Variants in RUNX1 observed in about 807,000 individuals in gnomAD.
RUNX1 encodes RUNX family transcription factor 1, also known as runt-related transcription factor 1.
In RUNX1, 19 loss-of-function variants were observed where a neutral mutation model predicts 42.8. That is an observed-to-expected ratio of 0.44 (90% CI 0.31 to 0.65). The LOEUF is 0.65. Ranked by LOEUF, RUNX1 falls within the 30% of genes least tolerant of loss-of-function variation. The pLI, the probability that RUNX1 is intolerant of heterozygous loss-of-function variation, is 0.07. For missense variants in RUNX1, 528 were observed against 672.0 expected, an observed-to-expected ratio of 0.79 and a Z score of 2.37; for synonymous variants, 271 against 289.4, an observed-to-expected ratio of 0.94 and a Z score of 0.64.
chr21:35,025,316 G>C (rs1176952604), intron 2 of RUNX1, among the ~76,000 whole-genome samples: 1 of 152,116 alleles, frequency 6.6e-6, no homozygotes, highest in Non-Finnish European at 1.5e-5. Context: ...CATCAATCTG[G>C]CCTGGCCCCG....
intron 2 of RUNX1, among the ~76,000 whole-genome samples, chr21:34,978,937 T>TAC (rs10673190): frequency 0.25 from 34,011 of 133,886 alleles, 4,282 homozygotes; most frequent in East Asian, 0.3. Flanking sequence ...CACACACAGA[T>TAC]ACACACACAC....
chr21:34,890,698 T>C lies in RUNX1; in HGVS notation c.97+2227A>G, dbSNP rs866326147. On this transcript the variant is annotated intron_variant, in intron 3 of 8. Coordinates refer to ENST00000675419, the MANE Select transcript of RUNX1 (RefSeq NM_001754.5). Reference sequence around the variant, plus strand: ...ACTACATTTTTCTTTTAAAATGATTTTTTTAAGCCTAATTCCAGTTGTAAA... The same window carrying C: ...ACTACATTTTTCTTTTAAAATGATTCTTTTAAGCCTAATTCCAGTTGTAAA... Among the ~76,000 whole-genome samples the C allele has an allele frequency of 1.3e-5, 2 of 152,310 alleles. 1 individual carries two copies. The highest frequency in any genetic ancestry group is 6.8e-3 in the Middle Eastern group (2 of 294).
intron 7 of RUNX1, among the ~76,000 whole-genome samples, chr21:34,814,381 T>C (rs1181677816): frequency 6.6e-6 from 1 of 152,194 alleles, no homozygotes; most frequent in Middle Eastern, 3.2e-3. Context: ...CACTGTCACC[T>C]GTGTGCGCCT....
intron 2 of RUNX1, among the ~76,000 whole-genome samples, chr21:34,933,630 T>A (rs2058464348): frequency 6.6e-6 from 1 of 152,244 alleles, no homozygotes; most frequent in Admixed American, 6.5e-5. Flanking sequence ...AAGACCTATG[T>A]TCCTTTTGAA....
At chr21:34,940,992 C>T (rs1242155351) in intron 2 of RUNX1, among the ~76,000 whole-genome samples, 3 of 152,174 alleles carry the variant, frequency 2.0e-5, no homozygotes, top group African/African-American at 7.2e-5. Flanking sequence ...CTTGTCACTG[C>T]CATAGAAGAA....
At chr21:35,023,242 C>A (rs966802176) in intron 2 of RUNX1, among the ~76,000 whole-genome samples, 3 of 152,106 alleles carry the variant, frequency 2.0e-5, no homozygotes, top group Non-Finnish European at 4.4e-5. Flanking sequence ...CCACACCTGG[C>A]CTTTGTTTAA....
chr21:34,974,155 C>T (rs2058782933), intron 2 of RUNX1, among the ~76,000 whole-genome samples: 1 of 152,068 alleles, frequency 6.6e-6, no homozygotes, highest in African/African-American at 2.4e-5. Flanking sequence ...ACTGATTGTA[C>T]TTCTTCTTGA....
chr21:34,792,314 CG>C lies in RUNX1; in HGVS notation c.1263del (p.Glu422SerfsTer172). The C allele has an allele frequency of 6.5e-7, 1 of 1,542,462 alleles. No individual in the cohort carries two copies. ...AGSYQFSMVG[G>X]ERSPPRILPP... ...GGCAGGATGCGCGGCGGCGAGCGCT[CG>C]CCGCCCACCATGGAGAACTGGTAGG... On this transcript the variant is annotated frameshift_variant, in exon 9 of 9. Coordinates refer to ENST00000675419, the MANE Select transcript of RUNX1 (RefSeq NM_001754.5). LOFTEE classifies it high-confidence loss of function. The surrounding 1 kb of genome is among the most constrained non-coding windows in gnomAD (Gnocchi z 6.9).
At chr21:34,815,417 GA>G (rs2056812119) in intron 7 of RUNX1, among the ~76,000 whole-genome samples, 1 of 152,244 alleles carries the variant, frequency 6.6e-6, no homozygotes, top group South Asian at 2.1e-4. Context: ...AGCACCAAGT[GA>G]AGCCAGCAGG....
chr21:34,951,524 A>C (rs558515234), intron 2 of RUNX1, among the ~76,000 whole-genome samples: 1 of 152,344 alleles, frequency 6.6e-6, no homozygotes, highest in East Asian at 1.9e-4. Context: ...AACTTAAACA[A>C]ATTTACAAGA....
chr21:34,891,499 C>T (rs529060994), intron 3 of RUNX1, among the ~76,000 whole-genome samples: 18 of 152,158 alleles, frequency 1.2e-4, no homozygotes, highest in African/African-American at 4.3e-4. Context: ...CCTTAGTCGG[C>T]CGGGCATTTT....
chr21:34,955,195 C>CT (rs960369595), intron 2 of RUNX1, among the ~76,000 whole-genome samples: 1 of 151,986 alleles, frequency 6.6e-6, no homozygotes, highest in Non-Finnish European at 1.5e-5. Flanking sequence ...CATCTGGAAG[C>CT]TACCGAATCC....
chr21:34,914,097 G>C (rs1267129677), intron 2 of RUNX1, among the ~76,000 whole-genome samples: 1 of 152,196 alleles, frequency 6.6e-6, no homozygotes, highest in East Asian at 1.9e-4. Context: ...GTGTGAAGCA[G>C]GAGCCATTCC....
chr21:34,889,720 C>T, intron 3 of RUNX1: 1 of 1,188,076 alleles, frequency 8.4e-7, no homozygotes, highest in Non-Finnish European at 1.1e-6. Flanking sequence ...GCGCCGGTCC[C>T]CGCGGTGCTG....
chr21:34,993,496 C>CACACACACACA lies in RUNX1; in HGVS notation c.58+55345_58+55346insTGTGTGTGTGT, dbSNP rs1160336189. Among the ~76,000 whole-genome samples, 106 of 120,380 alleles carry CACACACACACA rather than the reference C, an allele frequency of 8.8e-4. 2 individuals are homozygous for CACACACACACA. The highest frequency in any genetic ancestry group is 4.0e-3 in the African/African-American group (105 of 26,164). 79.0% of individuals were successfully genotyped at this position (120,380 alleles called of 152,430 possible). Reference sequence around the variant, plus strand: ...AGAGGACAATGTCTGTTTGTTTGTCCCTACACACACACACACACACACACA... The same window carrying CACACACACACA: ...AGAGGACAATGTCTGTTTGTTTGTCCACACACACACACTACACACACACACACACACACACA... On this transcript the variant is annotated intron_variant, in intron 2 of 8. Coordinates refer to ENST00000675419, the MANE Select transcript of RUNX1 (RefSeq NM_001754.5).
intron 2 of RUNX1, among the ~76,000 whole-genome samples, chr21:35,000,292 A>G (rs931461346): frequency 2.1e-5 from 3 of 143,968 alleles, no homozygotes; most frequent in Non-Finnish European, 3.0e-5. Flanking sequence ...CCAGGCTGGA[A>G]TGCAGTGGCG....
At chr21:34,981,363 C>T (rs1981392) in intron 2 of RUNX1, among the ~76,000 whole-genome samples, 88,663 of 151,920 alleles carry the variant, frequency 0.58, 26,008 homozygotes, top group East Asian at 0.69. Context: ...TTCTGAATTT[C>T]GGTGAAAATT....
intron 8 of RUNX1, among the ~76,000 whole-genome samples, chr21:34,794,148 AAT>A (rs1287650120): frequency 2.6e-5 from 4 of 152,124 alleles, no homozygotes; most frequent in Non-Finnish European, 5.9e-5. Flanking sequence ...AGGATGCACA[AAT>A]ATGTTACTAC....
chr21:34,830,613 C>T (rs2057050391), intron 7 of RUNX1, among the ~76,000 whole-genome samples: 1 of 152,190 alleles, frequency 6.6e-6, no homozygotes. Context: ...AACGGCCATC[C>T]CACTTGCACT....
Sources: allele counts gnomAD v4.1 joint callset (sites outside exome capture counted in the v4.1 genomes callset), GRCh38; gene constraint gnomAD v4.1.1; non-coding constraint Gnocchi (gnomAD v3.1); transcripts MANE v1.5; gene names NCBI Gene and HGNC (gene_info 2026-07-23, HGNC 2026-07-21).